Variants in HMCN2 observed in about 807,000 individuals in gnomAD.
HMCN2 encodes the protein hemicentin 2, also known as hemicentin-2.
Under a neutral mutation model 377.5 loss-of-function variants are expected in HMCN2, and 325 were observed. The observed-to-expected ratio is 0.86, with a 90% confidence interval of 0.79 to 0.94. The LOEUF is 0.94. Among genes scored for constraint, HMCN2 ranks in the 40% least tolerant of loss-of-function variants. The pLI is 0.00. For synonymous variants in HMCN2, 2,007 were observed against 2,046.8 expected (o/e 0.98, Z 0.53); for missense variants, 4,543 against 4,725.3 (o/e 0.96, Z 1.13).
chr9:130,293,279 G>GTTTTTTTTTTTTTCTTT (rs1835903393), intron 4 of HMCN2, among the ~76,000 whole-genome samples: 1 of 57,126 alleles, frequency 1.8e-5, no homozygotes, highest in Non-Finnish European at 2.7e-5. Flanking sequence ...ACTCACTAAA[G>GTTTTTTTTTTTTTCTTT]TTTTTTTTTT....
chr9:130,430,673 G>T (rs1844689622), intron 95 of HMCN2, 69 bp downstream of exon 95: 2 of 1,401,532 alleles, frequency 1.4e-6, no homozygotes, highest in East Asian at 5.0e-5. Flanking sequence ...GGGTGGGTGT[G>T]CAGGTGTCAC....
At chr9:130,295,227 C>T (rs939085380) in intron 5 of HMCN2, among the ~76,000 whole-genome samples, 13 of 152,076 alleles carry the variant, frequency 8.5e-5, no homozygotes, top group African/African-American at 1.4e-4. Context: ...TAGCAACCGG[C>T]GATGGGAATT....
intron 29 of HMCN2, among the ~76,000 whole-genome samples, chr9:130,349,888 CTTTTTTT>C (rs760662723): frequency 7.7e-5 from 7 of 91,306 alleles, no homozygotes; most frequent in East Asian, 7.5e-4. Flanking sequence ...TTAGCCTTTC[CTTTTTTT>C]TTTTTTTTTT....
Position 130,403,229 on chromosome 9 carries a change from C to T in HMCN2, c.11914C>T (p.Arg3972Trp), listed in dbSNP as rs1373956312. ...GGTGAAGCCGCTGCCCAGCGTGGTT[C>T]GGGCAGTGGCAGAGGAGGAGGTGCT... ...PVVKPLPSVV[R>W]AVAEEEVLLP... The change falls in exon 79 of 98, where the codon CGG (arginine) becomes TGG (tryptophan). Residue 3972 changes from arginine to tryptophan, a missense_variant. By Grantham distance (101) the Arg-to-Trp change is moderately radical (BLOSUM62 -3). Coordinates refer to ENST00000683500, the MANE Select transcript of HMCN2 (RefSeq NM_001291815.2). 38 of 1,289,726 alleles carry T rather than the reference C, an allele frequency of 2.9e-5. No homozygotes were observed. Among genetic ancestry groups the T allele is most frequent in the African/African-American group, 1.1e-4 (7 of 65,946 alleles). 79.9% of individuals were successfully genotyped at this position (1,289,726 alleles called of 1,614,324 possible).
chr9:130,348,727 C>G (rs1564802697), intron 27 of HMCN2, 52 bp downstream of exon 27: 15 of 1,294,002 alleles, frequency 1.2e-5, no homozygotes, highest in Non-Finnish European at 1.5e-5. Context: ...AGGCTGGGGA[C>G]AGGTCTTCTG....
Position 130,433,676 on chromosome 9 carries a change from T to C in HMCN2, c.15223T>C (p.Ser5075Pro). The C allele has an allele frequency of 4.0e-6, 6 of 1,503,624 alleles. No individual in the cohort carries two copies. Among genetic ancestry groups the C allele is most frequent in the Admixed American group, 4.6e-5 (2 of 43,288 alleles). 93.1% of individuals were successfully genotyped at this position (1,503,624 alleles called of 1,614,324 possible). Reference sequence around the variant, plus strand: ...CGTCTTCGTCTTGCTCATCGCCGTGTCCCCCTACCCCTACTAAACGGGAGA... The same window carrying C: ...CGTCTTCGTCTTGCTCATCGCCGTGCCCCCCTACCCCTACTAAACGGGAGA... ...QSVFVLLIAV[S>P]PYPY The change falls in exon 98 of 98, where the codon TCC (serine) becomes CCC (proline). Residue 5075 changes from serine to proline, a missense_variant. Physicochemically the swap from Ser to Pro is moderately conservative, Grantham distance 74. This residue lies in a region of HMCN2 where 1,155 missense variants were observed against 1,157.7 expected (regional missense o/e 1.00). Transcript: ENST00000683500.
rs1808572427 is a variant in HMCN2 at position 130,354,802 on chromosome 9, T to C, written c.4904T>C (p.Val1635Ala). Residue 1635 changes from valine (V) to alanine (A), a missense_variant, in exon 32 of 98, where the codon GTG becomes GCG. Physicochemically the swap from Val to Ala is moderately conservative, Grantham distance 64. Coordinates refer to ENST00000683500, the MANE Select transcript of HMCN2 (RefSeq NM_001291815.2). The part of the protein sequence containing the change: ...TIEGAGGRPY[V>A]VKAVAGRPVA... The stretch of plus-strand genomic sequence containing the variant: ...GAGGGCGCCGGTGGAAGACCATACG[T>C]GGTGAAGGCTGTGGCTGGGAGGCCT... 7.7e-7 allele frequency: 1 copy of C among 1,303,918 alleles called. No homozygotes were observed. Among genetic ancestry groups the C allele is most frequent in the Admixed American group, 2.3e-5 (1 of 43,524 alleles). 80.8% of individuals were successfully genotyped at this position (1,303,918 alleles called of 1,614,324 possible). A position where few individuals can be genotyped will look rare whatever the true frequency, so the allele number is the denominator to read the frequency against.
At chr9:130,395,897 T>C in intron 71 of HMCN2, 27 bp from the exon 72 acceptor site, 1 of 1,280,508 alleles carries the variant, frequency 7.8e-7, no homozygotes, top group South Asian at 1.3e-5. Flanking sequence ...CTGATAAGGG[T>C]CTGTCCACCC....
intron 49 of HMCN2, among the ~76,000 whole-genome samples, chr9:130,374,987 G>A (rs1841293550): frequency 6.6e-6 from 1 of 152,160 alleles, no homozygotes; most frequent in South Asian, 2.1e-4. Flanking sequence ...TTATTGCCAG[G>A]CCCCAGGGTG....
chr9:130,284,198 A>G (rs185422872), intron 1 of HMCN2, among the ~76,000 whole-genome samples: 1 of 152,300 alleles, frequency 6.6e-6, no homozygotes, highest in Admixed American at 6.5e-5. Flanking sequence ...TGTGTGTCCC[A>G]GAATGGATTG....
rs549817254 is a variant in HMCN2, at chr9:130,433,399, G to T, written c.14946G>T (p.Thr4982=). ...ACTGCGGCACGGGCGGCCCCTCTAC[G>T]CTGCAGTACCGGCTGCTGCCGCTGC... is the stretch of plus-strand genomic sequence containing the variant. ...SQDCGTGGPS[T]LQYRLLPLPL... Residue 4982 remains threonine, a synonymous_variant, in exon 98 of 98, where the codon ACG becomes ACT. Coordinates refer to ENST00000683500, the MANE Select transcript of HMCN2 (RefSeq NM_001291815.2). 1.0e-4 allele frequency: 152 copies of T among 1,489,426 alleles called. 4 individuals are homozygous for T. In the South Asian group the frequency reaches 1.8e-3, roughly 18 times the overall value. The allele number at this position is 1,489,426 out of a possible 1,614,324, so 92.3% of individuals were successfully genotyped here. A position where few individuals can be genotyped will look rare whatever the true frequency, so the allele number is the denominator to read the frequency against.
At chr9:130,339,254 TTATC>T (rs1838923412) in intron 23 of HMCN2, among the ~76,000 whole-genome samples, 1 of 152,204 alleles carries the variant, frequency 6.6e-6, no homozygotes, top group Non-Finnish European at 1.5e-5. Flanking sequence ...CCACGCATGT[TTATC>T]TATGTGCTGC....
chr9:130,394,474 AC>A lies in HMCN2; in HGVS notation c.10597del (p.Gln3533SerfsTer13), dbSNP rs1285388324. ...PMELLCDAQGTPQPNITWHKD... is the reference protein window; with the variant it reads ...PMELLCDAQGXPQPNITWHKD... ...GGAGCTCCTCTGTGATGCCCAGGGC[AC>A]CCCCCAGCCCAACATCACCTGGCAT... On this transcript the variant is annotated frameshift_variant, in exon 69 of 98. Coordinates refer to ENST00000683500, the MANE Select transcript of HMCN2 (RefSeq NM_001291815.2). LOFTEE classifies it high-confidence loss of function. This position sits in a 1 kb window ranked among gnomAD's most constrained non-coding sequence, Gnocchi z 5.1. The A allele has an allele frequency of 1.3e-5, 17 of 1,289,442 alleles. No individual in the cohort carries two copies. The highest frequency in any genetic ancestry group is 1.6e-5 in the Non-Finnish European group (16 of 988,772). The allele number at this position is 1,289,442 out of a possible 1,614,324, so 79.9% of individuals were successfully genotyped here.
At chr9:130,401,861 G>A (rs532681998) in intron 77 of HMCN2, among the ~76,000 whole-genome samples, 1 of 152,118 alleles carries the variant, frequency 6.6e-6, no homozygotes, top group South Asian at 2.1e-4. Flanking sequence ...ATTGTTTGAA[G>A]CCAGGAGTTT....
intron 19 of HMCN2, among the ~76,000 whole-genome samples, chr9:130,322,323 T>TATCTATCTATCTATCC (rs1837896905): frequency 2.1e-5 from 1 of 46,870 alleles, no homozygotes; most frequent in East Asian, 1.4e-3. Context: ...CTATCTAATC[T>TATCTATCTATCTATCC]ATCTATCTAT....
chr9:130,370,925 A>G (rs1840987760), intron 45 of HMCN2, 39 bp from the exon 46 acceptor site: 1 of 985,000 alleles, frequency 1.0e-6, no homozygotes, highest in Non-Finnish European at 1.2e-6. Context: ...CACACAGCCC[A>G]TATCTGCACC....
chr9:130,294,430 C>A (rs1307374774), intron 4 of HMCN2, among the ~76,000 whole-genome samples: 1 of 152,186 alleles, frequency 6.6e-6, no homozygotes, highest in South Asian at 2.1e-4. Context: ...GGGAACGTGG[C>A]GCCCTGGTGG....
Position 130,336,907 on chromosome 9 carries a change from C to T in HMCN2, c.3360-987C>T, listed in dbSNP as rs1564793111. On this transcript the variant is annotated intron_variant, in intron 22 of 97. Coordinates refer to ENST00000683500, the MANE Select transcript of HMCN2 (RefSeq NM_001291815.2). ...ATTCTATAAGGGGCTCTGTGAGCCC[C>T]GTTTTGCAGAGGAGGAAATTGAAGC... Among the ~76,000 whole-genome samples the T allele has an allele frequency of 2.6e-5, 4 of 152,218 alleles. No homozygotes were observed. In the South Asian group the frequency reaches 8.3e-4, roughly 32 times the overall value.
chr9:130,424,655 A>C, intron 87 of HMCN2, 121 bp from the exon 88 acceptor site: 2 of 1,006,936 alleles, frequency 2.0e-6, no homozygotes. Flanking sequence ...CTGAGTATGG[A>C]CATCAAGGGA....
Sources: gnomAD v4.1 joint callset for allele counts (sites outside exome capture counted in the v4.1 genomes callset) on GRCh38, gnomAD v4.1.1 for gene constraint, gnomAD v4.1.1 regional missense constraint, Gnocchi (gnomAD v3.1) non-coding constraint, MANE v1.5 for transcripts, NCBI Gene and HGNC (gene_info 2026-07-23, HGNC 2026-07-21) for gene names.